Variants in MGAT5 observed in about 807,000 individuals in gnomAD.
MGAT5 encodes the protein alpha-1,6-mannosylglycoprotein 6-beta-N-acetylglucosaminyltransferase.
Under a neutral mutation model 94.3 loss-of-function variants are expected in MGAT5, and 30 were observed. The ratio of observed to expected loss-of-function variants is 0.32; its 90% CI spans 0.24 to 0.43. MGAT5 has a LOEUF of 0.43. Among genes scored for constraint, MGAT5 ranks in the 20% least tolerant of loss-of-function variants. MGAT5 has a pLI of 1.00. For synonymous variants in MGAT5, 310 were observed against 322.9 expected, an observed-to-expected ratio of 0.96 and a Z score of 0.43; for missense variants, 691 against 905.5, an observed-to-expected ratio of 0.76 and a Z score of 3.04.
rs549259010 is a variant in MGAT5, at chr2:134,255,526, C to CAT, written c.241+892_241+893dup. 2.4e-3 allele frequency among the ~76,000 whole-genome samples: 357 copies of CAT among 150,142 alleles called. 1 individual carries two copies. Among genetic ancestry groups the CAT allele is most frequent in the African/African-American group, 8.4e-3 (343 of 40,996 alleles). On this transcript the variant is annotated intron_variant, in intron 1 of 15. Transcript: ENST00000281923. ...ATATACACATATATATATACACACA[C>CAT]ATATATATATACATACACATACACA...
intron 10 of MGAT5, 115 bp from the exon 11 acceptor site, chr2:134,402,873 C>T: frequency 1.9e-6 from 2 of 1,030,030 alleles, no homozygotes; most frequent in South Asian, 2.2e-5. Flanking sequence ...CTGTGATCTC[C>T]ATATTAAGAA....
chr2:134,176,644 T>C (rs993705297), intron 1 of MGAT5, among the ~76,000 whole-genome samples: 2 of 149,772 alleles, frequency 1.3e-5, no homozygotes, highest in African/African-American at 4.9e-5. Context: ...AAAAATGACA[T>C]TTAAAAAGTC....
At chr2:134,242,880 G>A (rs1050427040) in intron 1 of MGAT5, among the ~76,000 whole-genome samples, 1 of 152,116 alleles carries the variant, frequency 6.6e-6, no homozygotes, top group African/African-American at 2.4e-5. Context: ...CATAGTGTGG[G>A]ATGATCTAAC....
intron 11 of MGAT5, among the ~76,000 whole-genome samples, chr2:134,404,658 A>G (rs144454053): frequency 1.3e-5 from 2 of 152,300 alleles, no homozygotes; most frequent in East Asian, 3.9e-4. Context: ...CTCCATCTGT[A>G]AATGCATTTG....
At chr2:134,225,866 A>C (rs1681035197) in intron 1 of MGAT5, among the ~76,000 whole-genome samples, 1 of 152,242 alleles carries the variant, frequency 6.6e-6, no homozygotes, top group Non-Finnish European at 1.5e-5. Context: ...TGTCACTAAC[A>C]GTGTACTAGG....
At chr2:134,317,274 G>A (rs1229878310) in intron 2 of MGAT5, among the ~76,000 whole-genome samples, 1 of 152,052 alleles carries the variant, frequency 6.6e-6, no homozygotes, top group Non-Finnish European at 1.5e-5. Flanking sequence ...TGGTTGGCTT[G>A]GCTCACTTTT....
chr2:134,237,123 A>ATGTGTATGTGTGTGTGTGTG (rs367744090), intron 1 of MGAT5, among the ~76,000 whole-genome samples: 370 of 140,716 alleles, frequency 2.6e-3, no homozygotes, highest in African/African-American at 3.0e-3. Flanking sequence ...GAAGGAGTAT[A>ATGTGTATGTGTGTGTGTGTG]TGTGTGTGTG....
intron 4 of MGAT5, among the ~76,000 whole-genome samples, chr2:134,327,381 C>T (rs578239548): frequency 6.6e-6 from 1 of 152,132 alleles, no homozygotes; most frequent in Admixed American, 6.6e-5. Flanking sequence ...ATCTGAATTG[C>T]CAGCATCATT....
chr2:134,412,889 C>A lies in MGAT5; in HGVS notation c.1551C>A (p.Phe517Leu), dbSNP rs1482890973. Residue 517 changes from phenylalanine (F) to leucine (L), a missense_variant, in exon 12 of 16, where the codon TTC becomes TTA. By Grantham distance (22) the Phe-to-Leu change is conservative (BLOSUM62 0). Coordinates refer to ENST00000281923, the MANE Select transcript of MGAT5 (RefSeq NM_002410.5). ...TACAGTTGTTTGTTGGACTTGGGTTCCCTTACGAGGGCCCAGCTCCCCTGG... is the reference window on the plus strand; with the variant it reads ...TACAGTTGTTTGTTGGACTTGGGTTACCTTACGAGGGCCCAGCTCCCCTGG... ...RETKLFVGLG[F>L]PYEGPAPLEA... is the part of the protein sequence containing the mutation. The A allele has an allele frequency of 1.9e-6, 3 of 1,613,904 alleles. No homozygotes were observed. The highest frequency in any genetic ancestry group is 2.5e-6 in the Non-Finnish European group (3 of 1,179,998).
intron 1 of MGAT5, among the ~76,000 whole-genome samples, chr2:134,239,128 A>G (rs1407181296): frequency 1.3e-5 from 2 of 152,050 alleles, no homozygotes; most frequent in African/African-American, 4.8e-5. Flanking sequence ...CCTCCCGAGT[A>G]GCTGGGACTA....
At chr2:134,235,866 T>C (rs1223771853) in intron 1 of MGAT5, among the ~76,000 whole-genome samples, 1 of 152,104 alleles carries the variant, frequency 6.6e-6, no homozygotes, top group Non-Finnish European at 1.5e-5. Flanking sequence ...TCAAATTAGC[T>C]TTGGTTTTCT....
At chr2:134,336,567 G>T (rs1032354757) in intron 5 of MGAT5, among the ~76,000 whole-genome samples, 1 of 152,100 alleles carries the variant, frequency 6.6e-6, no homozygotes, top group African/African-American at 2.4e-5. Flanking sequence ...TAATAAGGCT[G>T]ATGGCAAATA....
intron 14 of MGAT5, among the ~76,000 whole-genome samples, chr2:134,429,697 T>G (rs1684781502): frequency 6.6e-6 from 1 of 152,224 alleles, no homozygotes; most frequent in East Asian, 1.9e-4. Flanking sequence ...ATACACTACT[T>G]TGTAGTATAA....
chr2:134,356,851 T>A (rs1679775788), intron 9 of MGAT5, among the ~76,000 whole-genome samples: 1 of 152,184 alleles, frequency 6.6e-6, no homozygotes, highest in African/African-American at 2.4e-5. Context: ...TTCAGGTTTT[T>A]AATTCAAATA....
chr2:134,296,415 C>T (rs924792201), intron 2 of MGAT5, among the ~76,000 whole-genome samples: 2 of 152,046 alleles, frequency 1.3e-5, no homozygotes, highest in African/African-American at 4.8e-5. Context: ...TCTTTTTATC[C>T]TTGGCTTCAA....
At chr2:134,246,516 C>G (rs1682271630) in intron 1 of MGAT5, among the ~76,000 whole-genome samples, 1 of 152,238 alleles carries the variant, frequency 6.6e-6, no homozygotes, top group Admixed American at 6.5e-5. Context: ...TGCCCCCCAC[C>G]ACCGTCCCCG....
At chr2:134,329,387 G>C (rs16830420) in intron 4 of MGAT5, among the ~76,000 whole-genome samples, 5,530 of 152,168 alleles carry the variant, frequency 0.036, 313 homozygotes, top group African/African-American at 0.12. Flanking sequence ...ACAAATGGTA[G>C]GAGCAAGAGT....
intron 2 of MGAT5, among the ~76,000 whole-genome samples, chr2:134,295,989 G>A (rs1446994711): frequency 6.6e-6 from 1 of 152,148 alleles, no homozygotes; most frequent in East Asian, 1.9e-4. Flanking sequence ...TCTTTGGAAG[G>A]GAAGAGGATT....
chr2:134,242,206 G>A (rs1322393697), intron 1 of MGAT5, among the ~76,000 whole-genome samples: 1 of 152,184 alleles, frequency 6.6e-6, no homozygotes, highest in Non-Finnish European at 1.5e-5. Context: ...GCTGCATAAG[G>A]CGCTTTGCTG....
Sources: allele counts gnomAD v4.1 joint callset (sites outside exome capture counted in the v4.1 genomes callset), GRCh38; gene constraint gnomAD v4.1.1; transcripts MANE v1.5; gene names NCBI Gene and HGNC (gene_info 2026-07-23, HGNC 2026-07-21).